MTM1: variants seen among roughly 807,000 people sequenced by gnomAD.
MTM1 encodes myotubularin.
In MTM1, 9 loss-of-function variants were observed where a neutral mutation model predicts 52.1. The ratio of observed to expected loss-of-function variants is 0.17; its 90% CI spans 0.10 to 0.30. MTM1 has a LOEUF of 0.30. Among genes scored for constraint, MTM1 ranks in the 10% least tolerant of loss-of-function variants. The pLI, the probability that MTM1 is intolerant of heterozygous loss-of-function variation, is 1.00. For synonymous variants in MTM1, 136 were observed against 163.8 expected, an observed-to-expected ratio of 0.83 and a Z score of 1.29; for missense variants, 277 against 470.7, an observed-to-expected ratio of 0.59 and a Z score of 3.81.
At chrX:150,655,121 C>G (rs1443438937) in intron 10 of MTM1, among the ~76,000 whole-genome samples, 1 of 109,864 alleles carries the variant, frequency 9.1e-6, no homozygotes, top group Non-Finnish European at 1.9e-5. Flanking sequence ...GTCAGGAGAT[C>G]GAGACCATCC....
chrX:150,591,873 A>T (rs1376669594), intron 1 of MTM1, among the ~76,000 whole-genome samples: 1 of 112,706 alleles, frequency 8.9e-6, no homozygotes, highest in East Asian at 2.8e-4. Context: ...CTTTATATGT[A>T]TCTATCTGTG....
rs782203723 is a variant in MTM1 at position 150,659,763 on chromosome X, A to C, written c.1353+7A>C. On this transcript the variant is annotated splice_region_variant and intron_variant, in intron 12 of 14. Transcript: ENST00000370396. The stretch of plus-strand genomic sequence containing the variant: ...GTGGCAAATGTCAAAACAGGTAAGG[A>C]ATATGAGGGATGAAAATACATTCAA... 3.5e-6 allele frequency: 4 copies of C among 1,146,492 alleles called. No individual in the cohort carries two copies. The highest frequency in any genetic ancestry group is 4.8e-6 in the Non-Finnish European group (4 of 837,146). 94.5% of individuals were successfully genotyped at this position (1,146,492 alleles called of 1,213,427 possible).
At chrX:150,627,752 T>A (rs1557413453) in intron 6 of MTM1, among the ~76,000 whole-genome samples, 1 of 111,729 alleles carries the variant, frequency 9.0e-6, no homozygotes, top group Non-Finnish European at 1.9e-5. Flanking sequence ...CCTTGGAAGT[T>A]TATCTGTGGG....
chrX:150,668,198 G>T (rs2040333868), intron 14 of MTM1, among the ~76,000 whole-genome samples: 2 of 112,831 alleles, frequency 1.8e-5, no homozygotes, highest in African/African-American at 6.4e-5. Context: ...TCCAGAGGGT[G>T]TATGGCCCTG....
At chrX:150,579,017 CTCTATCTATCTATCTATCTA>C (rs59889586) in intron 1 of MTM1, among the ~76,000 whole-genome samples, 1 of 98,165 alleles carries the variant, frequency 1.0e-5, no homozygotes, top group African/African-American at 3.7e-5. Context: ...ATCTATATAT[CTCTATCTATCTATCTATCTA>C]TCTATCTATC....
chrX:150,604,718 G>A (rs1488270551), intron 4 of MTM1, among the ~76,000 whole-genome samples: 1 of 110,687 alleles, frequency 9.0e-6, no homozygotes, highest in African/African-American at 3.3e-5. Context: ...CTTCAGCTAG[G>A]CCTCCCTGAC....
chrX:150,590,403 AT>A (rs2038862842), intron 1 of MTM1, among the ~76,000 whole-genome samples: 1 of 111,830 alleles, frequency 8.9e-6, no homozygotes, highest in Non-Finnish European at 1.9e-5. Context: ...AAGTGGGCAA[AT>A]TTATAGGGAT....
intron 10 of MTM1, among the ~76,000 whole-genome samples, chrX:150,652,773 AT>A (rs2040050757): frequency 9.5e-6 from 1 of 105,706 alleles, no homozygotes; most frequent in Non-Finnish European, 1.9e-5. Context: ...TGTTTTCTCC[AT>A]TTTTTTCCAG....
intron 1 of MTM1, among the ~76,000 whole-genome samples, chrX:150,571,876 A>G (rs2038384179): frequency 1.8e-5 from 2 of 112,062 alleles, no homozygotes; most frequent in South Asian, 7.4e-4. Context: ...GTGAGAGTGT[A>G]TCAGGAGACC....
At chrX:150,592,806 A>G (rs1557412520) in intron 2 of MTM1, 129 bp downstream of exon 2, 35 of 484,119 alleles carry the variant, frequency 7.2e-5, no homozygotes, top group Middle Eastern at 5.6e-4. Flanking sequence ...ATACATTTAT[A>G]CATGTGGTTT....
chrX:150,660,799 G>A (rs1444348377), intron 13 of MTM1, among the ~76,000 whole-genome samples: 1 of 111,179 alleles, frequency 9.0e-6, no homozygotes, highest in Non-Finnish European at 1.9e-5. Context: ...CCAGTGTGTA[G>A]AGATCATATG....
chrX:150,586,556 G>C (rs1396394105), intron 1 of MTM1, among the ~76,000 whole-genome samples: 1 of 110,851 alleles, frequency 9.0e-6, no homozygotes, highest in Non-Finnish European at 1.9e-5. Flanking sequence ...GGCAATCAAG[G>C]ATATGGTATA....
intron 4 of MTM1, among the ~76,000 whole-genome samples, chrX:150,598,962 C>T (rs781984492): frequency 5.5e-4 from 62 of 112,205 alleles, no homozygotes; most frequent in African/African-American, 1.9e-3. Context: ...AGGTGTAGAA[C>T]AGTGGTTCTT....
chrX:150,614,492 A>G (rs2039345815), intron 4 of MTM1, 97 bp from the exon 5 acceptor site: 1 of 551,671 alleles, frequency 1.8e-6, no homozygotes, highest in South Asian at 2.5e-5. Flanking sequence ...GGGCCAAGGT[A>G]AAATCACTCT....
chrX:150,672,537 G>T lies in MTM1; in HGVS notation c.*942G>T, dbSNP rs782243872. On this transcript the variant is annotated 3_prime_UTR_variant, in exon 15 of 15. Coordinates refer to ENST00000370396, the MANE Select transcript of MTM1 (RefSeq NM_000252.3). ...TGCCCCAGATGTACATGTGTTGAGC[G>T]TATTCTTGAAAGTATTGTGTTTATG... The T allele has an allele frequency of 1.8e-5, 2 of 111,982 alleles. No homozygotes were observed. The highest frequency in any genetic ancestry group is 6.5e-5 in the African/African-American group (2 of 30,772). 9.2% of individuals were successfully genotyped at this position (111,982 alleles called of 1,213,427 possible). A position where few individuals can be genotyped will look rare whatever the true frequency, so the allele number is the denominator to read the frequency against.
chrX:150,658,027 T>A lies in MTM1; in HGVS notation c.1260T>A (p.Ser420=). The A allele has an allele frequency of 8.4e-7, 1 of 1,190,512 alleles. No individual in the cohort carries two copies. Among genetic ancestry groups the A allele is most frequent in the Non-Finnish European group, 1.1e-6 (1 of 876,265 alleles). The change falls in exon 11 of 15, where the codon TCT becomes TCA. Residue 420 remains serine, a splice_region_variant and synonymous_variant. Coordinates refer to ENST00000370396, the MANE Select transcript of MTM1 (RefSeq NM_000252.3). ...EWISFGHKFA[S]RIGHGDKNHT... ...TAAGTTTTGGACATAAATTTGCATCTGTGAGTAAACAAAGCTAATTTCTAA... is the reference window on the plus strand; with the variant it reads ...TAAGTTTTGGACATAAATTTGCATCAGTGAGTAAACAAAGCTAATTTCTAA...
At chrX:150,656,672 T>A (rs782577778) in intron 10 of MTM1, among the ~76,000 whole-genome samples, 1 of 111,956 alleles carries the variant, frequency 8.9e-6, no homozygotes, top group South Asian at 3.7e-4. Context: ...AAAGTAACTA[T>A]CATCAGAGTG....
intron 4 of MTM1, among the ~76,000 whole-genome samples, chrX:150,605,519 A>G (rs1046533533): frequency 8.9e-6 from 1 of 112,698 alleles, no homozygotes; most frequent in Non-Finnish European, 1.9e-5. Context: ...GTATTACCCA[A>G]AGATTCTTGA....
chrX:150,611,249 C>T (rs781852071), intron 4 of MTM1, among the ~76,000 whole-genome samples: 1 of 112,015 alleles, frequency 8.9e-6, no homozygotes, highest in African/African-American at 3.2e-5. Context: ...CTAAGATATT[C>T]TTTGCCATAA....
Sources: gnomAD v4.1 joint callset for allele counts (sites outside exome capture counted in the v4.1 genomes callset) on GRCh38, gnomAD v4.1.1 for gene constraint, MANE v1.5 for transcripts, NCBI Gene and HGNC (gene_info 2026-07-23, HGNC 2026-07-21) for gene names.